Variants in UNC80 observed in about 807,000 individuals in gnomAD.
The protein encoded by UNC80 is protein unc-80 homolog.
A neutral mutation model predicts 384.6 loss-of-function variants in UNC80; 164 were observed. That is an observed-to-expected ratio of 0.43 (90% CI 0.38 to 0.49). The LOEUF (loss-of-function observed/expected upper bound fraction) is 0.49. UNC80 is among the 20% of genes least tolerant of loss of function. The pLI is 0.00. For missense variants in UNC80, 3,330 were observed against 4,143.0 expected, an observed-to-expected ratio of 0.80 and a Z score of 5.39; for synonymous variants, 1,486 against 1,527.8, an observed-to-expected ratio of 0.97 and a Z score of 0.64.
At chr2:209,821,863 A>C (rs938663654) in intron 13 of UNC80, among the ~76,000 whole-genome samples, 2 of 152,200 alleles carry the variant, frequency 1.3e-5, no homozygotes, top group Non-Finnish European at 2.9e-5. Flanking sequence ...CATCATGTCA[A>C]GTGTTTACAC....
intron 47 of UNC80, among the ~76,000 whole-genome samples, chr2:209,949,479 A>G (rs1478782897): frequency 6.7e-6 from 1 of 148,564 alleles, no homozygotes; most frequent in African/African-American, 2.5e-5. Context: ...CCGCTTTTTA[A>G]TTTTCTTTTA....
intron 29 of UNC80, among the ~76,000 whole-genome samples, chr2:209,911,637 A>C (rs1283122517): frequency 2.0e-5 from 3 of 152,216 alleles, no homozygotes; most frequent in Non-Finnish European, 4.4e-5. Context: ...ATTCTTAAGA[A>C]GTTCAGTTTT....
intron 59 of UNC80, among the ~76,000 whole-genome samples, chr2:209,978,943 T>G (rs2093083171): frequency 6.6e-6 from 1 of 152,188 alleles, no homozygotes; most frequent in African/African-American, 2.4e-5. Flanking sequence ...AAATATGAAT[T>G]TGAATACATT....
intron 3 of UNC80, among the ~76,000 whole-genome samples, chr2:209,776,389 C>G (rs989998419): frequency 7.9e-5 from 12 of 152,176 alleles, no homozygotes; most frequent in African/African-American, 2.7e-4. Flanking sequence ...CGAGACCAGA[C>G]TAGCCAACAT....
At chr2:209,951,807 C>T (rs1486236559) in intron 47 of UNC80, among the ~76,000 whole-genome samples, 2 of 150,982 alleles carry the variant, frequency 1.3e-5, no homozygotes, top group Non-Finnish European at 2.9e-5. Flanking sequence ...TCCCATTTTC[C>T]CTCCCCTCTC....
intron 61 of UNC80, among the ~76,000 whole-genome samples, chr2:209,991,235 T>C (rs1291313912): frequency 6.6e-6 from 1 of 152,222 alleles, no homozygotes; most frequent in African/African-American, 2.4e-5. Context: ...AAGCAGAAAT[T>C]AATTAACCAT....
intron 48 of UNC80, among the ~76,000 whole-genome samples, chr2:209,956,550 C>G (rs2092424759): frequency 6.6e-6 from 1 of 151,940 alleles, no homozygotes; most frequent in African/African-American, 2.4e-5. Context: ...CCAGCAATAG[C>G]ATCTTGAATC....
chr2:209,801,549 A>G (rs973865758), intron 7 of UNC80, among the ~76,000 whole-genome samples: 1 of 151,152 alleles, frequency 6.6e-6, no homozygotes, highest in Non-Finnish European at 1.5e-5. Flanking sequence ...CGCCTGACTA[A>G]TTTTTGTATT....
At chr2:209,941,151 T>C in intron 43 of UNC80, 70 bp from the exon 44 acceptor site, 4 of 1,425,200 alleles carry the variant, frequency 2.8e-6, no homozygotes, top group South Asian at 3.2e-5. Flanking sequence ...CGCCTTGGGT[T>C]TGATCACCTC....
intron 63 of UNC80, among the ~76,000 whole-genome samples, 166 bp downstream of exon 63, chr2:209,993,592 T>G (rs1285896961): frequency 6.6e-6 from 1 of 152,132 alleles, no homozygotes; most frequent in Non-Finnish European, 1.5e-5. Flanking sequence ...TTTTTTCTTC[T>G]TGCCTTCCCC....
intron 22 of UNC80, among the ~76,000 whole-genome samples, chr2:209,857,035 C>T (rs1328010049): frequency 2.0e-5 from 3 of 151,912 alleles, no homozygotes; most frequent in African/African-American, 7.3e-5. Context: ...GGTAATCCAC[C>T]CACCTTGCCT....
chr2:209,987,580 A>G (rs535830256), intron 61 of UNC80, among the ~76,000 whole-genome samples: 1 of 152,336 alleles, frequency 6.6e-6, no homozygotes, highest in African/African-American at 2.4e-5. Context: ...AGGCTATTCA[A>G]GAACTTATGG....
chr2:209,806,139 AAC>A (rs1396181459), intron 7 of UNC80, among the ~76,000 whole-genome samples: 1 of 152,218 alleles, frequency 6.6e-6, no homozygotes, highest in Non-Finnish European at 1.5e-5. Context: ...AAAAACCAAG[AAC>A]AGTGTAAAAT....
At chr2:209,786,584 A>AGG (rs2077438817) in intron 5 of UNC80, among the ~76,000 whole-genome samples, 1 of 152,182 alleles carries the variant, frequency 6.6e-6, no homozygotes, top group Admixed American at 6.5e-5. Flanking sequence ...TAAATGGAGC[A>AGG]GGGGCTCCTT....
chr2:209,992,343 G>T, intron 62 of UNC80, 96 bp downstream of exon 62: 1 of 1,190,440 alleles, frequency 8.4e-7, no homozygotes, highest in Admixed American at 2.2e-5. Flanking sequence ...TTTGCTGCTG[G>T]ACGTGCCCGG....
intron 22 of UNC80, among the ~76,000 whole-genome samples, chr2:209,856,087 G>A (rs762963569): frequency 2.0e-5 from 3 of 151,984 alleles, no homozygotes; most frequent in Admixed American, 6.6e-5. Flanking sequence ...AAGTGCCAAC[G>A]ATATAATGAA....
chr2:209,963,709 G>T (rs977632460), intron 51 of UNC80, among the ~76,000 whole-genome samples: 1 of 152,226 alleles, frequency 6.6e-6, no homozygotes, highest in South Asian at 2.1e-4. Flanking sequence ...TGTTTAAAAT[G>T]ATTTCTTTAA....
rs1039295695 is a variant in UNC80, at chr2:209,996,596, T to A, written c.*1001T>A. 4 of 152,318 alleles carry A rather than the reference T, an allele frequency of 2.6e-5. No homozygotes were observed. The highest frequency in any genetic ancestry group is 9.6e-5 in the African/African-American group (4 of 41,584). The allele number at this position is 152,318 out of a possible 1,614,324, so 9.4% of individuals were successfully genotyped here. ...ATATTCTTATGATACTTGGAACATC[T>A]AAGTTTATAAGGAAAAATGTATAAA... On this transcript the variant is annotated 3_prime_UTR_variant, in exon 65 of 65. Coordinates refer to ENST00000673920, the MANE Select transcript of UNC80 (RefSeq NM_001371986.1).
rs1270071746 is a variant in UNC80 at position 209,792,632 on chromosome 2, C to A, written c.799-1088C>A. Among the ~76,000 whole-genome samples, 20 of 152,316 alleles carry A rather than the reference C, an allele frequency of 1.3e-4. No homozygotes were observed. In the East Asian group the frequency reaches 3.9e-3, roughly 29 times the overall value. On this transcript the variant is annotated intron_variant, in intron 6 of 64. Coordinates refer to ENST00000673920, the MANE Select transcript of UNC80 (RefSeq NM_001371986.1). ...AAAGTGCTAGGATTACAGGCATGAG[C>A]CACCGCGCCCGGTTCCATCTTAATA...
Sources: allele counts gnomAD v4.1 joint callset (sites outside exome capture counted in the v4.1 genomes callset), GRCh38; gene constraint gnomAD v4.1.1; transcripts MANE v1.5; gene names NCBI Gene and HGNC (gene_info 2026-07-23, HGNC 2026-07-21).